The following GNG7 variants were observed in gnomAD, a reference collection of about 807,000 sequenced individuals.
GNG7 encodes the protein guanine nucleotide-binding protein G(I)/G(S)/G(O) subunit gamma-7.
A neutral mutation model predicts 4.0 loss-of-function variants in GNG7; 1 was observed. The observed-to-expected ratio is 0.25, with a 90% CI of 0.09 to 1.18. The LOEUF is 1.18. Among genes scored for constraint, GNG7 ranks in the 50% most tolerant of loss-of-function variants. GNG7 has a pLI of 0.50. For missense variants in GNG7, 86 were observed against 91.9 expected (o/e 0.94, Z 0.26); for synonymous variants, 34 against 36.9 (o/e 0.92, Z 0.29).
At chr19:2,585,990 G>A (rs946009789) in intron 2 of GNG7, among the ~76,000 whole-genome samples, 82 of 152,320 alleles carry the variant, frequency 5.4e-4, no homozygotes, top group African/African-American at 1.9e-3. Flanking sequence ...GTGAACCGCC[G>A]TGCCCCGGCC....
chr19:2,553,865 T>G (rs555046965), intron 3 of GNG7, among the ~76,000 whole-genome samples: 4 of 88,358 alleles, frequency 4.5e-5, no homozygotes, highest in Non-Finnish European at 1.0e-4. Flanking sequence ...ATATTATATG[T>G]AACATTGCAT....
At chr19:2,669,565 T>A (rs1983398070) in intron 1 of GNG7, among the ~76,000 whole-genome samples, 1 of 152,190 alleles carries the variant, frequency 6.6e-6, no homozygotes, top group Admixed American at 6.6e-5. Flanking sequence ...CACCACTTGC[T>A]TTCGTCAATA....
chr19:2,670,349 G>GC (rs1341752432), intron 1 of GNG7, among the ~76,000 whole-genome samples: 48 of 152,264 alleles, frequency 3.2e-4, no homozygotes, highest in African/African-American at 1.1e-3. Flanking sequence ...TGCCTCTGAG[G>GC]CCCCCGCGGG....
rs1052110219 is a variant in GNG7 at position 2,553,670 on chromosome 19, A to G, written c.-38+1479T>C. On this transcript the variant is annotated intron_variant, in intron 3 of 4. Coordinates refer to ENST00000382159, the MANE Select transcript of GNG7 (RefSeq NM_052847.3). ...TATATTACATACATGCACACGTTACATGTAATATGTTATATTACACACATG... is the reference window on the plus strand; with the variant it reads ...TATATTACATACATGCACACGTTACGTGTAATATGTTATATTACACACATG... Among the ~76,000 whole-genome samples the G allele has an allele frequency of 1.6e-4, 23 of 144,088 alleles. 1 individual carries two copies. The highest frequency in any genetic ancestry group is 4.2e-4 in the African/African-American group (16 of 38,118). The allele number at this position is 144,088 out of a possible 152,430, so 94.5% of individuals were successfully genotyped here. A position where few individuals can be genotyped will look rare whatever the true frequency, so the allele number is the denominator to read the frequency against.
intron 2 of GNG7, among the ~76,000 whole-genome samples, chr19:2,562,990 G>C (rs141053022): frequency 0.05 from 7,616 of 152,012 alleles, 240 homozygotes; most frequent in East Asian, 0.1. Context: ...TGTCGCCCAG[G>C]CTGGAGTGCA....
At chr19:2,661,277 A>AGAAAGAAAGAAAGAAAGAAAG (rs1983147818) in intron 1 of GNG7, among the ~76,000 whole-genome samples, 1 of 60,482 alleles carries the variant, frequency 1.7e-5, no homozygotes, top group African/African-American at 7.9e-5. Flanking sequence ...AAGAAAAGAA[A>AGAAAGAAAGAAAGAAAGAAAG]GAAAGAAAGA....
At chr19:2,528,210 G>T (rs1459603559) in intron 3 of GNG7, among the ~76,000 whole-genome samples, 2 of 147,804 alleles carry the variant, frequency 1.4e-5, no homozygotes, top group Non-Finnish European at 3.0e-5. Flanking sequence ...GGTGGAGGTT[G>T]CAGTGAGCCA....
intron 3 of GNG7, among the ~76,000 whole-genome samples, chr19:2,551,338 G>A (rs1979311736): frequency 1.3e-5 from 2 of 152,074 alleles, no homozygotes; most frequent in African/African-American, 2.4e-5. Context: ...GGGCACATGC[G>A]ACCCCTCGGC....
rs1290378160 is a variant in GNG7, at chr19:2,513,174, C to T, written c.*1848G>A. 4.3e-5 allele frequency: 42 copies of T among 968,332 alleles called. No homozygotes were observed. Among genetic ancestry groups the T allele is most frequent in the Non-Finnish European group, 5.2e-5 (42 of 814,346 alleles). 60.0% of individuals were successfully genotyped at this position (968,332 alleles called of 1,614,324 possible). ...CCCTCTAGCCTTGGCGAGGTGGGAA[C>T]CCTGGCAGTCACCAGCTCAGGAAGT... On this transcript the variant is annotated 3_prime_UTR_variant, in exon 5 of 5. Coordinates refer to ENST00000382159, the MANE Select transcript of GNG7 (RefSeq NM_052847.3).
chr19:2,623,198 T>C (rs1244782746), intron 2 of GNG7, among the ~76,000 whole-genome samples: 1 of 152,138 alleles, frequency 6.6e-6, no homozygotes, highest in Non-Finnish European at 1.5e-5. Flanking sequence ...GGTGCACCTG[T>C]AGTCCCAGCT....
At chr19:2,547,686 G>A (rs1254843891) in intron 3 of GNG7, among the ~76,000 whole-genome samples, 4 of 152,234 alleles carry the variant, frequency 2.6e-5, no homozygotes, top group Non-Finnish European at 5.9e-5. Flanking sequence ...CCCAGACACT[G>A]GGTACCAAAG....
chr19:2,617,985 G>A lies in GNG7; in HGVS notation c.-78+28239C>T, dbSNP rs187562619. Among the ~76,000 whole-genome samples the A allele has an allele frequency of 1.4e-4, 21 of 152,044 alleles. No individual in the cohort carries two copies. The highest frequency in any genetic ancestry group is 3.9e-4 in the Admixed American group (6 of 15,268). On this transcript the variant is annotated intron_variant, in intron 2 of 4. Transcript: ENST00000382159. This position sits in a 1 kb window ranked among gnomAD's most constrained non-coding sequence, Gnocchi z 4.7. ...TCCTCCCACCTCGGCCTCCCAAAGC[G>A]CTGAGATTACAGGCGTGACTATTTC... is the stretch of plus-strand genomic sequence containing the variant.
chr19:2,542,881 CTTTTTT>C (rs60152060), intron 3 of GNG7, among the ~76,000 whole-genome samples: 2 of 118,348 alleles, frequency 1.7e-5, no homozygotes, highest in Non-Finnish European at 3.4e-5. Context: ...TGCTGTTTTC[CTTTTTT>C]TTTTTTTTTT....
intron 2 of GNG7, among the ~76,000 whole-genome samples, chr19:2,572,525 C>T (rs1044966488): frequency 2.0e-5 from 3 of 151,466 alleles, no homozygotes; most frequent in African/African-American, 2.4e-5. Context: ...TCTGCCTCCC[C>T]GGTTCAAGCG....
At chr19:2,639,925 T>G (rs372957601) in intron 2 of GNG7, among the ~76,000 whole-genome samples, 1,072 of 17,374 alleles carry the variant, frequency 0.062, no homozygotes, top group Middle Eastern at 0.12. Context: ...AAGGAGGGAG[T>G]GAAGGAAGAA....
intron 2 of GNG7, among the ~76,000 whole-genome samples, chr19:2,568,399 C>T (rs199583504): frequency 1.3e-3 from 190 of 144,196 alleles, no homozygotes; most frequent in African/African-American, 4.7e-3. Flanking sequence ...AACACAAACA[C>T]ACACACATAT....
chr19:2,699,322 T>C (rs1913344937), intron 1 of GNG7, among the ~76,000 whole-genome samples: 1 of 152,092 alleles, frequency 6.6e-6, no homozygotes, highest in African/African-American at 2.4e-5. Context: ...TTAGTTTTTG[T>C]ATTTTTAGTA....
chr19:2,693,647 G>C (rs1357526381), intron 1 of GNG7, among the ~76,000 whole-genome samples: 1 of 152,058 alleles, frequency 6.6e-6, no homozygotes, highest in Non-Finnish European at 1.5e-5. Flanking sequence ...GGCACTGCAG[G>C]GCGCTGAGCA....
intron 2 of GNG7, among the ~76,000 whole-genome samples, chr19:2,585,141 G>C (rs1228697051): frequency 6.7e-6 from 1 of 149,294 alleles, no homozygotes; most frequent in African/African-American, 2.5e-5. Context: ...GGAAGGAAGG[G>C]CCTTGTTCTT....
Sources: allele counts gnomAD v4.1 joint callset (sites outside exome capture counted in the v4.1 genomes callset), GRCh38; gene constraint gnomAD v4.1.1; non-coding constraint Gnocchi (gnomAD v3.1); transcripts MANE v1.5; gene names NCBI Gene and HGNC (gene_info 2026-07-23, HGNC 2026-07-21).